Variants in AMIGO1 observed in about 807,000 individuals in gnomAD.
AMIGO1 encodes the protein amphoterin-induced protein 1.
For missense variants in AMIGO1, 361 were observed against 612.3 expected (o/e 0.59, Z 4.33); for synonymous variants, 249 against 266.3 (o/e 0.93, Z 0.63).
In AMIGO1 at chr1:109,506,932, C is replaced by T. The variant is rs1308073729; in HGVS notation, c.*499G>A. Reference sequence around the variant, plus strand: ...CTCATTTTCCAAAGGTTTTCAACTTCCCCAGCTGTGAAGTTTGACTTGCTA... The same window carrying T: ...CTCATTTTCCAAAGGTTTTCAACTTTCCCAGCTGTGAAGTTTGACTTGCTA... On this transcript the variant is annotated 3_prime_UTR_variant, in exon 2 of 2. Coordinates refer to ENST00000369864, the MANE Select transcript of AMIGO1 (RefSeq NM_020703.4). 1 of 156,118 alleles carries T rather than the reference C, an allele frequency of 6.4e-6. No individual in the cohort carries two copies. The highest frequency in any genetic ancestry group is 2.4e-5 in the African/African-American group (1 of 41,464). The allele number at this position is 156,118 out of a possible 1,614,324, so 9.7% of individuals were successfully genotyped here.
chr1:109,508,593 G>A lies in AMIGO1; in HGVS notation c.320C>T (p.Ser107Phe), dbSNP rs1168527691. ...CAGGTAGCGCAGGTTGGGTACCGGG[G>A]AAAAGGCCTCAGAGGAGATGAAGTT... ...HLNFISSEAF[S>F]PVPNLRYLDL... Residue 107 changes from serine (S) to phenylalanine (F), a missense_variant, in exon 2 of 2, where the codon TCC becomes TTC. Coordinates refer to ENST00000369864, the MANE Select transcript of AMIGO1 (RefSeq NM_020703.4). This position sits in a 1 kb window ranked among gnomAD's most constrained non-coding sequence, Gnocchi z 7.8. The A allele has an allele frequency of 3.7e-6, 6 of 1,614,172 alleles. No individual in the cohort carries two copies. The highest frequency in any genetic ancestry group is 4.2e-6 in the Non-Finnish European group (5 of 1,180,030).
In AMIGO1 at chr1:109,508,027, C is replaced by G. The variant is rs1341933955; in HGVS notation, c.886G>C (p.Gly296Arg). 6.2e-7 allele frequency: 1 copy of G among 1,614,130 alleles called. No individual in the cohort carries two copies. Among genetic ancestry groups the G allele is most frequent in the East Asian group, 2.2e-5 (1 of 44,874 alleles). ...GGTGTCACCCACACCTTGGTCATCC[C>G]TTGCTGCTTGGTGTCACACTTGATG... ...LIIKCDTKQQ[G>R]MTKVWVTPSN... is the part of the protein sequence containing the mutation. The change falls in exon 2 of 2, where the codon GGG (glycine) becomes CGG (arginine). Residue 296 changes from glycine (G) to arginine (R), a missense_variant. Transcript: ENST00000369864. The surrounding 1 kb of genome is among the most constrained non-coding windows in gnomAD (Gnocchi z 7.8).
rs1658008939 is a variant in AMIGO1 at position 109,505,828 on chromosome 1, A to T, written c.*1603T>A. On this transcript the variant is annotated 3_prime_UTR_variant, in exon 2 of 2. Coordinates refer to ENST00000369864, the MANE Select transcript of AMIGO1 (RefSeq NM_020703.4). Reference sequence around the variant, plus strand: ...AGAGAAGAGACCCTAAGAAAAACCAACATCAGAGAACATTTTCACCTTCAC... The same window carrying T: ...AGAGAAGAGACCCTAAGAAAAACCATCATCAGAGAACATTTTCACCTTCAC... 6.6e-6 allele frequency: 1 copy of T among 152,254 alleles called. No homozygotes were observed. The highest frequency in any genetic ancestry group is 2.1e-4 in the South Asian group (1 of 4,832). The allele number at this position is 152,254 out of a possible 1,614,324, so 9.4% of individuals were successfully genotyped here.
chr1:109,508,493 C>G lies in AMIGO1; in HGVS notation c.420G>C (p.Leu140=). The G allele has an allele frequency of 1.2e-6, 2 of 1,614,154 alleles. No individual in the cohort carries two copies. The highest frequency in any genetic ancestry group is 1.7e-6 in the Non-Finnish European group (2 of 1,180,028). The change falls in exon 2 of 2, where the codon CTG becomes CTC. Residue 140 remains leucine (L), a synonymous_variant. Coordinates refer to ENST00000369864, the MANE Select transcript of AMIGO1 (RefSeq NM_020703.4). The surrounding 1 kb of genome is among the most constrained non-coding windows in gnomAD (Gnocchi z 7.8). The part of the protein sequence containing the change: ...FSDLQVLEVL[L]LYNNHIMAVD... ...CCGCCATGATGTGGTTATTGTAGAG[C>G]AGCAGCACCTCCAGTACTTGCAGGT...
In AMIGO1 at chr1:109,508,943, A is replaced by G; in HGVS notation, c.-31T>C. On this transcript the variant is annotated 5_prime_UTR_variant, in exon 2 of 2. Transcript: ENST00000369864. This position sits in a 1 kb window ranked among gnomAD's most constrained non-coding sequence, Gnocchi z 7.8. ...CACTGGAGTGGGCGAGGAAGGCCAC[A>G]AGGAAGATCTGGGAGGAGGTCACCC... 1.3e-6 allele frequency: 2 copies of G among 1,493,864 alleles called. No individual in the cohort carries two copies. The highest frequency in any genetic ancestry group is 1.8e-6 in the Non-Finnish European group (2 of 1,120,890). The allele number at this position is 1,493,864 out of a possible 1,614,324, so 92.5% of individuals were successfully genotyped here.
At position 109,507,591 on chromosome 1, in the gene AMIGO1, A is replaced by T; in HGVS notation, c.1322T>A (p.Val441Glu). The T allele has an allele frequency of 6.2e-7, 1 of 1,605,802 alleles. No homozygotes were observed. The highest frequency in any genetic ancestry group is 1.1e-5 in the South Asian group (1 of 90,332). Residue 441 changes from valine to glutamate, a missense_variant, in exon 2 of 2, where the codon GTG becomes GAG. Physicochemically the swap from Val to Glu is moderately radical, Grantham distance 121. Transcript: ENST00000369864. The surrounding 1 kb of genome is among the most constrained non-coding windows in gnomAD (Gnocchi z 4.7). ...AGGTCCAGCAGGTTCCAGGAAAGCC[A>T]CCCGCCGGTCAAAACCATCATCTTT... ...GDKDDGFDRR[V>E]AFLEPAGPGQ...
intron 1 of AMIGO1, 47 bp from the exon 2 acceptor site, chr1:109,509,046 G>A: frequency 9.6e-7 from 1 of 1,044,630 alleles, no homozygotes; most frequent in South Asian, 1.7e-5. Context: ...ACTCCAGAGG[G>A]AAGGACACCC....
rs1557888306 is a variant in AMIGO1, at chr1:109,508,851, A to T, written c.62T>A (p.Leu21His). 4 of 1,611,416 alleles carry T rather than the reference A, an allele frequency of 2.5e-6. No individual in the cohort carries two copies. The highest frequency in any genetic ancestry group is 2.2e-5 in the East Asian group (1 of 44,790). ...TCGGCCAGCTCTGGCCACCTCAAAA[A>T]GCAGCAGGGACAAGGACGGCAGCAG... ...WLLLPSLSLL[L>H]FEVARAGRAV... The change falls in exon 2 of 2, where the codon CTT becomes CAT. Residue 21 changes from leucine (L) to histidine (H), a missense_variant. Physicochemically the swap from Leu to His is moderately conservative, Grantham distance 99. Coordinates refer to ENST00000369864, the MANE Select transcript of AMIGO1 (RefSeq NM_020703.4). This position sits in a 1 kb window ranked among gnomAD's most constrained non-coding sequence, Gnocchi z 7.8.
Position 109,507,130 on chromosome 1 carries a change from CCT to C in AMIGO1, c.*299_*300del, listed in dbSNP as rs944969985. 12 of 331,774 alleles carry C rather than the reference CCT, an allele frequency of 3.6e-5. No homozygotes were observed. The highest frequency in any genetic ancestry group is 2.5e-4 in the African/African-American group (12 of 48,062). 20.6% of individuals were successfully genotyped at this position (331,774 alleles called of 1,614,324 possible). ...GAAAGTTTAGGGAATCTGTTCTTCCCCTCACTCCTTCCTCATTCCCATCCAAC... is the reference window on the plus strand; with the variant it reads ...GAAAGTTTAGGGAATCTGTTCTTCCCCACTCCTTCCTCATTCCCATCCAAC... On this transcript the variant is annotated 3_prime_UTR_variant, in exon 2 of 2. Transcript: ENST00000369864. This position sits in a 1 kb window ranked among gnomAD's most constrained non-coding sequence, Gnocchi z 4.7.
rs1393605361 is a variant in AMIGO1, at chr1:109,504,617, G to C, written c.*2814C>G. 6.6e-6 allele frequency: 1 copy of C among 152,014 alleles called. No individual in the cohort carries two copies. Among genetic ancestry groups the C allele is most frequent in the Admixed American group, 6.5e-5 (1 of 15,274 alleles). The allele number at this position is 152,014 out of a possible 1,614,324, so 9.4% of individuals were successfully genotyped here. Reference sequence around the variant, plus strand: ...AGTTTTCAACACAGGGTTCTAGTGCGCTTACATATGCTGATTATTCAATTC... The same window carrying C: ...AGTTTTCAACACAGGGTTCTAGTGCCCTTACATATGCTGATTATTCAATTC... On this transcript the variant is annotated 3_prime_UTR_variant, in exon 2 of 2. Coordinates refer to ENST00000369864, the MANE Select transcript of AMIGO1 (RefSeq NM_020703.4).
In AMIGO1 at chr1:109,506,536, A is replaced by AT. The variant is rs1658027594; in HGVS notation, c.*894dup. The AT allele has an allele frequency of 6.6e-6, 1 of 152,240 alleles. No homozygotes were observed. The highest frequency in any genetic ancestry group is 1.5e-5 in the Non-Finnish European group (1 of 68,052). The allele number at this position is 152,240 out of a possible 1,614,324, so 9.4% of individuals were successfully genotyped here. A position where few individuals can be genotyped will look rare whatever the true frequency, so the allele number is the denominator to read the frequency against. Reference sequence around the variant, plus strand: ...TGTACCACGTCTGTGGCAGGCATCCATAAAAGCTCTGCCTTCAGCAGCCCC... The same window carrying AT: ...TGTACCACGTCTGTGGCAGGCATCCATTAAAAGCTCTGCCTTCAGCAGCCCC... On this transcript the variant is annotated 3_prime_UTR_variant, in exon 2 of 2. Coordinates refer to ENST00000369864, the MANE Select transcript of AMIGO1 (RefSeq NM_020703.4).
chr1:109,508,860 G>T lies in AMIGO1; in HGVS notation c.53C>A (p.Ser18Tyr). 6.2e-7 allele frequency: 1 copy of T among 1,608,716 alleles called. No individual in the cohort carries two copies. The highest frequency in any genetic ancestry group is 8.5e-7 in the Non-Finnish European group (1 of 1,176,942). ...TCTGGCCACCTCAAAAAGCAGCAGG[G>T]ACAAGGACGGCAGCAGGAGCCAGAG... ...RGLWLLLPSL[S>Y]LLLFEVARAG... Residue 18 changes from serine to tyrosine, a missense_variant, in exon 2 of 2, where the codon TCC (serine) becomes TAC (tyrosine). Transcript: ENST00000369864. The surrounding 1 kb of genome is among the most constrained non-coding windows in gnomAD (Gnocchi z 7.8).
chr1:109,508,683 C>T lies in AMIGO1; in HGVS notation c.230G>A (p.Arg77Gln), dbSNP rs1658087829. Residue 77 changes from arginine to glutamine, a missense_variant, in exon 2 of 2, where the codon CGG (arginine) becomes CAG (glutamine). Physicochemically the swap from Arg to Gln is conservative, Grantham distance 43. Coordinates refer to ENST00000369864, the MANE Select transcript of AMIGO1 (RefSeq NM_020703.4). The surrounding 1 kb of genome is among the most constrained non-coding windows in gnomAD (Gnocchi z 7.8). ...CAGGCGCGTGGGGGTCCACTCGGCC[C>T]GCAGGCGGCTCAGGTTGTTGTGACT... ...DLSHNNLSRL[R>Q]AEWTPTRLTQ... 1.9e-6 allele frequency: 3 copies of T among 1,614,114 alleles called. No individual in the cohort carries two copies. The highest frequency in any genetic ancestry group is 1.6e-4 in the Middle Eastern group (1 of 6,062).
In AMIGO1 at chr1:109,509,010, A is replaced by C; in HGVS notation, c.-87-11T>G. The C allele has an allele frequency of 7.3e-7, 1 of 1,366,880 alleles. No individual in the cohort carries two copies. Among genetic ancestry groups the C allele is most frequent in the East Asian group, 2.5e-5 (1 of 39,520 alleles). The allele number at this position is 1,366,880 out of a possible 1,614,324, so 84.7% of individuals were successfully genotyped here. A position where few individuals can be genotyped will look rare whatever the true frequency, so the allele number is the denominator to read the frequency against. On this transcript the variant is annotated splice_polypyrimidine_tract_variant and intron_variant, in intron 1 of 1. Transcript: ENST00000369864. Reference sequence around the variant, plus strand: ...GGTACGGAAGGGTCACTTGAGAGAAAGAGGATGGGTTTGTGGTCACCAAGG... The same window carrying C: ...GGTACGGAAGGGTCACTTGAGAGAACGAGGATGGGTTTGTGGTCACCAAGG...
chr1:109,508,120 G>A lies in AMIGO1; in HGVS notation c.793C>T (p.Leu265=), dbSNP rs368080476. ...NSKKLHNVFN[L]SFLNCGEYKE... is the part of the protein sequence containing the mutation. Reference sequence around the variant, plus strand: ...TACTCGCCACAGTTGAGGAAACTCAGGTTGAAGACATTGTGCAGCTTCTTG... The same window carrying A: ...TACTCGCCACAGTTGAGGAAACTCAAGTTGAAGACATTGTGCAGCTTCTTG... The change falls in exon 2 of 2, where the codon CTG becomes TTG. Residue 265 remains leucine, a synonymous_variant. Coordinates refer to ENST00000369864, the MANE Select transcript of AMIGO1 (RefSeq NM_020703.4). This position sits in a 1 kb window ranked among gnomAD's most constrained non-coding sequence, Gnocchi z 7.8. 1.2e-6 allele frequency: 2 copies of A among 1,614,068 alleles called. No homozygotes were observed. Among genetic ancestry groups the A allele is most frequent in the African/African-American group, 2.7e-5 (2 of 74,924 alleles).
At position 109,508,946 on chromosome 1, in the gene AMIGO1, G is replaced by A. The variant is rs1427607626; in HGVS notation, c.-34C>T. The A allele has an allele frequency of 6.7e-7, 1 of 1,488,616 alleles. No homozygotes were observed. 92.2% of individuals were successfully genotyped at this position (1,488,616 alleles called of 1,614,324 possible). ...TGGAGTGGGCGAGGAAGGCCACAAG[G>A]AAGATCTGGGAGGAGGTCACCCGGG... On this transcript the variant is annotated 5_prime_UTR_variant, in exon 2 of 2. Transcript: ENST00000369864. This position sits in a 1 kb window ranked among gnomAD's most constrained non-coding sequence, Gnocchi z 7.8.
In AMIGO1 at chr1:109,507,687, T is replaced by G; in HGVS notation, c.1226A>C (p.His409Pro). 6.2e-7 allele frequency: 1 copy of G among 1,614,110 alleles called. No homozygotes were observed. Among genetic ancestry groups the G allele is most frequent in the Non-Finnish European group, 8.5e-7 (1 of 1,180,014 alleles). Residue 409 changes from histidine to proline, a missense_variant, in exon 2 of 2, where the codon CAT (histidine) becomes CCT (proline). By Grantham distance (77) the His-to-Pro change is moderately conservative. Coordinates refer to ENST00000369864, the MANE Select transcript of AMIGO1 (RefSeq NM_020703.4). The surrounding 1 kb of genome is among the most constrained non-coding windows in gnomAD (Gnocchi z 4.7). ...GGAAGAGCTGAGGCTGTCTCCTTGATGGCTGGAAGGCTTCTCTACACCCCG... is the reference window on the plus strand; with the variant it reads ...GGAAGAGCTGAGGCTGTCTCCTTGAGGGCTGGAAGGCTTCTCTACACCCCG... The part of the protein sequence containing the change: ...WCRGVEKPSS[H>P]QGDSLSSSML...
chr1:109,504,488 C>G lies in AMIGO1; in HGVS notation c.*2943G>C, dbSNP rs14184. 45,722 of 152,020 alleles carry G rather than the reference C, an allele frequency of 0.3. 7,016 individuals are homozygous for G. The highest frequency in any genetic ancestry group is 0.32 in the African/African-American group (13,456 of 41,430). The allele number at this position is 152,020 out of a possible 1,614,324, so 9.4% of individuals were successfully genotyped here. On this transcript the variant is annotated 3_prime_UTR_variant, in exon 2 of 2. Coordinates refer to ENST00000369864, the MANE Select transcript of AMIGO1 (RefSeq NM_020703.4). Reference sequence around the variant, plus strand: ...ATTGTAGAGCCCTGTCATCCTCTGTCTCCAGGGACACCTGCTTCCTGGGAG... The same window carrying G: ...ATTGTAGAGCCCTGTCATCCTCTGTGTCCAGGGACACCTGCTTCCTGGGAG...
Position 109,508,930 on chromosome 1 carries a change from C to A in AMIGO1, c.-18G>T, listed in dbSNP as rs763482556. On this transcript the variant is annotated 5_prime_UTR_variant, in exon 2 of 2. Coordinates refer to ENST00000369864, the MANE Select transcript of AMIGO1 (RefSeq NM_020703.4). The surrounding 1 kb of genome is among the most constrained non-coding windows in gnomAD (Gnocchi z 7.8). ...GGGTGCATAGTGTCACTGGAGTGGG[C>A]GAGGAAGGCCACAAGGAAGATCTGG... 1 of 1,510,166 alleles carries A rather than the reference C, an allele frequency of 6.6e-7. No individual in the cohort carries two copies. The highest frequency in any genetic ancestry group is 8.9e-7 in the Non-Finnish European group (1 of 1,128,538). 93.5% of individuals were successfully genotyped at this position (1,510,166 alleles called of 1,614,324 possible).
Sources: allele counts gnomAD v4.1 joint callset, GRCh38; gene constraint gnomAD v4.1.1; non-coding constraint Gnocchi (gnomAD v3.1); transcripts MANE v1.5; gene names NCBI Gene and HGNC (gene_info 2026-07-23, HGNC 2026-07-21).